Variants in GRIK1 observed in about 807,000 individuals in gnomAD.
The protein encoded by GRIK1 is glutamate receptor ionotropic, kainate 1.
GRIK1 carries 69 observed loss-of-function variants against 105.7 expected under a neutral mutation model. The ratio of observed to expected loss-of-function variants is 0.65; its 90% CI spans 0.54 to 0.80. The LOEUF is 0.80. GRIK1 is among the 30% of genes least tolerant of loss of function. The pLI, the probability that GRIK1 is intolerant of heterozygous loss-of-function variation, is 0.00. For missense variants in GRIK1, 1,109 were observed against 1,167.3 expected (o/e 0.95, Z 0.73); for synonymous variants, 438 against 431.3 (o/e 1.02, Z -0.19).
rs184352997 is a variant in GRIK1, at chr21:29,576,951, G to C, written c.2130+13C>G. The C allele has an allele frequency of 6.9e-7, 1 of 1,441,474 alleles. No individual in the cohort carries two copies. Among genetic ancestry groups the C allele is most frequent in the South Asian group, 1.2e-5 (1 of 86,730 alleles). 89.3% of individuals were successfully genotyped at this position (1,441,474 alleles called of 1,614,324 possible). On this transcript the variant is annotated intron_variant, in intron 14 of 17. Coordinates refer to ENST00000327783, the MANE Select transcript of GRIK1 (RefSeq NM_001330994.2). Reference sequence around the variant, plus strand: ...ATCAGATAATCACTGAGAACACTTTGTCAGCTTCTTACCTTGAAGAAGGTC... The same window carrying C: ...ATCAGATAATCACTGAGAACACTTTCTCAGCTTCTTACCTTGAAGAAGGTC...
chr21:29,758,965 G>T (rs575654001), intron 1 of GRIK1: 1 of 153,438 alleles, frequency 6.5e-6, no homozygotes, highest in African/African-American at 2.4e-5. Flanking sequence ...CTCTAATTTA[G>T]GGGTTTCAGC....
intron 16 of GRIK1, among the ~76,000 whole-genome samples, chr21:29,546,074 A>G (rs942171066): frequency 6.6e-6 from 1 of 152,182 alleles, no homozygotes; most frequent in African/African-American, 2.4e-5. Context: ...TTTGTCTTCC[A>G]TGGGGATGTG....
chr21:29,565,999 T>C (rs2090604332), intron 14 of GRIK1, among the ~76,000 whole-genome samples: 1 of 152,234 alleles, frequency 6.6e-6, no homozygotes, highest in Admixed American at 6.5e-5. Flanking sequence ...AATGTTTATT[T>C]TTTGTTAGAT....
At chr21:29,625,131 G>C (rs1018143554) in intron 7 of GRIK1, among the ~76,000 whole-genome samples, 5 of 152,178 alleles carry the variant, frequency 3.3e-5, no homozygotes, top group African/African-American at 1.2e-4. Flanking sequence ...AGCTTTACTT[G>C]TGAATAATGC....
chr21:29,550,473 C>CGTTTCCAGCACATTA (rs1205732592), intron 16 of GRIK1, among the ~76,000 whole-genome samples: 1 of 152,192 alleles, frequency 6.6e-6, no homozygotes, highest in African/African-American at 2.4e-5. Context: ...TGGTTCTCAG[C>CGTTTCCAGCACATTA]GTTTCCAGCA....
At chr21:29,649,775 CAT>C (rs1244975722) in intron 6 of GRIK1, among the ~76,000 whole-genome samples, 5 of 152,126 alleles carry the variant, frequency 3.3e-5, no homozygotes, top group Non-Finnish European at 5.9e-5. Context: ...TCTGTGTTAA[CAT>C]AGCTTCAAAC....
At chr21:29,790,469 T>C (rs2066383921) in intron 1 of GRIK1, among the ~76,000 whole-genome samples, 1 of 152,050 alleles carries the variant, frequency 6.6e-6, no homozygotes, top group Admixed American at 6.6e-5. Context: ...CTTTCTTTTT[T>C]TTTTTTGAGA....
At chr21:29,860,295 C>T (rs571146718) in intron 1 of GRIK1, among the ~76,000 whole-genome samples, 1 of 152,338 alleles carries the variant, frequency 6.6e-6, no homozygotes, top group Admixed American at 6.5e-5. Context: ...CAGCCTGCTG[C>T]TGTTACTGCC....
At chr21:29,918,926 A>T (rs1292036593) in intron 1 of GRIK1, among the ~76,000 whole-genome samples, 1 of 151,962 alleles carries the variant, frequency 6.6e-6, no homozygotes, top group Admixed American at 6.6e-5. Flanking sequence ...TGACTGTAAG[A>T]GTATTTGGAG....
chr21:29,698,667 A>G (rs564444766), intron 1 of GRIK1, among the ~76,000 whole-genome samples: 64 of 152,132 alleles, frequency 4.2e-4, no homozygotes, highest in Non-Finnish European at 8.5e-4. Flanking sequence ...CAGTCTTTAT[A>G]GACTGGAAAT....
chr21:29,638,305 G>A (rs2062438686), intron 7 of GRIK1, among the ~76,000 whole-genome samples: 1 of 152,054 alleles, frequency 6.6e-6, no homozygotes, highest in African/African-American at 2.4e-5. Flanking sequence ...GAAAGGGGAA[G>A]AGCCCCTTCT....
At chr21:29,807,258 C>A (rs2066888536) in intron 1 of GRIK1, among the ~76,000 whole-genome samples, 1 of 152,116 alleles carries the variant, frequency 6.6e-6, no homozygotes, top group African/African-American at 2.4e-5. Flanking sequence ...GGCATGCCAA[C>A]AAACTGCCCC....
chr21:29,850,001 GC>G (rs1335510515), intron 1 of GRIK1, among the ~76,000 whole-genome samples: 10 of 152,100 alleles, frequency 6.6e-5, no homozygotes, highest in African/African-American at 2.4e-4. Context: ...AGAACAAACA[GC>G]CCCCATGAAA....
chr21:29,593,793 A>G (rs1262401276), intron 9 of GRIK1, among the ~76,000 whole-genome samples: 1 of 152,238 alleles, frequency 6.6e-6, no homozygotes, highest in East Asian at 1.9e-4. Context: ...TGAAACTGAC[A>G]GTGTTCAATA....
intron 1 of GRIK1, among the ~76,000 whole-genome samples, chr21:29,936,997 C>A (rs1045716601): frequency 6.6e-6 from 1 of 152,060 alleles, no homozygotes; most frequent in Non-Finnish European, 1.5e-5. Context: ...TTTAGTTGAT[C>A]GGTCGGTTGC....
At chr21:29,668,570 G>A (rs2063103095) in intron 4 of GRIK1, among the ~76,000 whole-genome samples, 2 of 152,202 alleles carry the variant, frequency 1.3e-5, no homozygotes, top group Admixed American at 6.5e-5. Context: ...TTCTATTTAA[G>A]TGTATGCTCA....
At chr21:29,602,595 C>A (rs1444183981) in intron 7 of GRIK1, among the ~76,000 whole-genome samples, 3 of 151,952 alleles carry the variant, frequency 2.0e-5, no homozygotes, top group African/African-American at 7.3e-5. Flanking sequence ...CAAAAGATTC[C>A]TGAAGGCAAG....
chr21:29,546,838 AG>A (rs2090058566), intron 16 of GRIK1, among the ~76,000 whole-genome samples: 1 of 152,240 alleles, frequency 6.6e-6, no homozygotes, highest in South Asian at 2.1e-4. Flanking sequence ...AAAAGCTAAA[AG>A]TTTAACTCAT....
Position 29,555,320 on chromosome 21 carries a change from T to G in GRIK1, c.2357-18A>C. 1 of 1,604,796 alleles carries G rather than the reference T, an allele frequency of 6.2e-7. No individual in the cohort carries two copies. Among genetic ancestry groups the G allele is most frequent in the Non-Finnish European group, 8.5e-7 (1 of 1,175,196 alleles). ...AGGAGAACCTGGAAGTAAAACCATC[T>G]GGATATTGGTCACCAAAATGTTGAA... On this transcript the variant is annotated intron_variant, in intron 15 of 17. Transcript: ENST00000327783.
Sources: gnomAD v4.1 joint callset for allele counts (sites outside exome capture counted in the v4.1 genomes callset) on GRCh38, gnomAD v4.1.1 for gene constraint, MANE v1.5 for transcripts, NCBI Gene and HGNC (gene_info 2026-07-23, HGNC 2026-07-21) for gene names.